ATRNL1: variants seen among roughly 807,000 people sequenced by gnomAD.
The protein encoded by ATRNL1 is attractin-like protein 1.
In ATRNL1, 95 loss-of-function variants were observed where a neutral mutation model predicts 182.7. The observed-to-expected ratio is 0.52, with a 90% confidence interval of 0.44 to 0.62. The LOEUF is 0.62. Ranked by LOEUF, ATRNL1 falls within the 20% of genes least tolerant of loss-of-function variation. The pLI is 0.00. For missense variants in ATRNL1, 1,471 were observed against 1,679.5 expected, an observed-to-expected ratio of 0.88 and a Z score of 2.17; for synonymous variants, 576 against 568.3, an observed-to-expected ratio of 1.01 and a Z score of -0.19.
chr10:115,618,529 CCTTTTT>C, intron 26 of ATRNL1, among the ~76,000 whole-genome samples: 1 of 150,766 alleles, frequency 6.6e-6, no homozygotes, highest in South Asian at 2.1e-4. Flanking sequence ...TTTTCCTTTT[CCTTTTT>C]CTTTTTTCAG....
intron 26 of ATRNL1, among the ~76,000 whole-genome samples, chr10:115,616,804 A>G (rs1857450837): frequency 6.6e-6 from 1 of 152,246 alleles, no homozygotes. Context: ...TTGAGGCTAG[A>G]GAACCTCTGC....
At chr10:115,203,419 G>A (rs1848670436) in intron 8 of ATRNL1, among the ~76,000 whole-genome samples, 1 of 151,978 alleles carries the variant, frequency 6.6e-6, no homozygotes, top group Non-Finnish European at 1.5e-5. Flanking sequence ...TGTCTTAACT[G>A]TCTAACTGAA....
chr10:115,295,801 A>G (rs181956746), intron 15 of ATRNL1, among the ~76,000 whole-genome samples: 23 of 152,146 alleles, frequency 1.5e-4, no homozygotes, highest in Admixed American at 1.2e-3. Flanking sequence ...GTCACAGCCA[A>G]TCCTGGACCT....
chr10:115,638,685 G>C (rs2769417), intron 26 of ATRNL1, among the ~76,000 whole-genome samples: 1 of 151,932 alleles, frequency 6.6e-6, no homozygotes, highest in Non-Finnish European at 1.5e-5. Context: ...TGAACATGGC[G>C]AATTTTATGG....
chr10:115,103,687 C>G (rs913338010), intron 1 of ATRNL1, among the ~76,000 whole-genome samples: 2 of 152,258 alleles, frequency 1.3e-5, no homozygotes, highest in Non-Finnish European at 2.9e-5. Context: ...CCCATTTCCC[C>G]CACTCCAATA....
chr10:115,241,836 G>C, intron 10 of ATRNL1, 111 bp downstream of exon 10: 1 of 856,428 alleles, frequency 1.2e-6, no homozygotes, highest in Non-Finnish European at 1.7e-6. Flanking sequence ...AGAGTTAAGT[G>C]ATAGAATATG....
At chr10:115,455,991 G>T (rs1554968633) in intron 21 of ATRNL1, among the ~76,000 whole-genome samples, 1 of 152,150 alleles carries the variant, frequency 6.6e-6, no homozygotes, top group African/African-American at 2.4e-5. Flanking sequence ...AACAACAGAT[G>T]CTGGAGAGGA....
intron 4 of ATRNL1, chr10:115,128,464 A>G: frequency 1.3e-6 from 1 of 798,594 alleles, no homozygotes; most frequent in South Asian, 5.8e-5. Flanking sequence ...ATATCCTTGA[A>G]TCAGCAATTT....
chr10:115,711,789 A>G (rs544279038), intron 26 of ATRNL1, among the ~76,000 whole-genome samples: 1 of 152,308 alleles, frequency 6.6e-6, no homozygotes, highest in African/African-American at 2.4e-5. Flanking sequence ...CTTAAATTAT[A>G]TATAACTCTA....
chr10:115,694,538 A>T (rs1555049181), intron 26 of ATRNL1, among the ~76,000 whole-genome samples: 1 of 152,106 alleles, frequency 6.6e-6, no homozygotes, highest in Non-Finnish European at 1.5e-5. Flanking sequence ...TTTATATATA[A>T]AATACATTTT....
At chr10:115,880,081 A>T (rs1483832025) in intron 28 of ATRNL1, among the ~76,000 whole-genome samples, 2 of 152,256 alleles carry the variant, frequency 1.3e-5, no homozygotes, top group Non-Finnish European at 2.9e-5. Context: ...TTGCTGGACT[A>T]GGAACTGAAA....
At chr10:115,380,503 A>G (rs116638884) in intron 19 of ATRNL1, among the ~76,000 whole-genome samples, 1,886 of 152,286 alleles carry the variant, frequency 0.012, 35 homozygotes, top group African/African-American at 0.042. Flanking sequence ...CTCAGTCATT[A>G]GCAGCCATTC....
intron 10 of ATRNL1, among the ~76,000 whole-genome samples, chr10:115,261,576 A>G (rs1851393026): frequency 6.6e-6 from 1 of 152,164 alleles, no homozygotes; most frequent in Admixed American, 6.5e-5. Context: ...ACATCTGGCA[A>G]AGGGTTGGGG....
intron 24 of ATRNL1, among the ~76,000 whole-genome samples, chr10:115,483,798 A>G (rs1592721226): frequency 1.3e-5 from 2 of 151,646 alleles, no homozygotes; most frequent in African/African-American, 4.8e-5. Context: ...TGCTAGGTCA[A>G]TGTTTTTGAT....
At chr10:115,502,935 G>A (rs967436331) in intron 24 of ATRNL1, among the ~76,000 whole-genome samples, 1 of 152,046 alleles carries the variant, frequency 6.6e-6, no homozygotes, top group Non-Finnish European at 1.5e-5. Flanking sequence ...CACCTCCTCT[G>A]CGATAGTTTT....
intron 26 of ATRNL1, among the ~76,000 whole-genome samples, chr10:115,585,636 C>T (rs11197313): frequency 0.63 from 9,492 of 15,018 alleles, 4,445 homozygotes; most frequent in East Asian, 1. Flanking sequence ...TTATTTTGAG[C>T]CTATGTGTGT....
chr10:115,861,672 A>G (rs1381135181), intron 28 of ATRNL1, among the ~76,000 whole-genome samples: 6 of 152,186 alleles, frequency 3.9e-5, no homozygotes, highest in Non-Finnish European at 8.8e-5. Context: ...TCATTTCGCA[A>G]TACATGATTT....
intron 26 of ATRNL1, among the ~76,000 whole-genome samples, chr10:115,661,661 C>T (rs1297649797): frequency 2.0e-5 from 3 of 152,084 alleles, no homozygotes; most frequent in Non-Finnish European, 2.9e-5. Context: ...ATACCAGCCA[C>T]GTGATTTTCT....
chr10:115,266,983 A>G lies in ATRNL1; in HGVS notation c.1959A>G (p.Arg653=). Residue 653 remains arginine, a synonymous_variant, in exon 12 of 29, where the codon AGA becomes AGG. Coordinates refer to ENST00000355044, the MANE Select transcript of ATRNL1 (RefSeq NM_207303.4). ...CTGGGAATACTAATAATATTCTTAG[A>G]GCAAAGTGCCCTCCTAAAACAGGTA... ...WESGNTNNIL[R]AKCPPKTAAS... The G allele has an allele frequency of 6.2e-7, 1 of 1,610,222 alleles. No homozygotes were observed. Among genetic ancestry groups the G allele is most frequent in the Non-Finnish European group, 8.5e-7 (1 of 1,177,630 alleles).
Sources: gnomAD v4.1 joint callset for allele counts (sites outside exome capture counted in the v4.1 genomes callset) on GRCh38, gnomAD v4.1.1 for gene constraint, MANE v1.5 for transcripts, NCBI Gene and HGNC (gene_info 2026-07-23, HGNC 2026-07-21) for gene names.